BPTF: variants seen among roughly 807,000 people sequenced by gnomAD.
BPTF encodes bromodomain PHD finger transcription factor.
In BPTF, 18 loss-of-function variants were observed where a neutral mutation model predicts 292.5. That is an observed-to-expected ratio of 0.06 (90% CI 0.04 to 0.09). The LOEUF (loss-of-function observed/expected upper bound fraction) is 0.09. Among genes scored for constraint, BPTF ranks in the 10% least tolerant of loss-of-function variants. BPTF has a pLI of 1.00. For missense variants in BPTF, 2,726 were observed against 3,498.7 expected (o/e 0.78, Z 5.57); for synonymous variants, 1,225 against 1,251.9 (o/e 0.98, Z 0.45).
chr17:67,911,597 T>C lies in BPTF; in HGVS notation c.3713T>C (p.Ile1238Thr). Reference protein sequence around the residue: ...TLICKNKKPLIQEESDTIVSS... With the variant: ...TLICKNKKPLTQEESDTIVSS... Reference sequence around the variant, plus strand: ...ATCTGTAAGAACAAAAAACCGCTCATACAGGAGGAAAGTGACACCATTGTT... The same window carrying C: ...ATCTGTAAGAACAAAAAACCGCTCACACAGGAGGAAAGTGACACCATTGTT... Residue 1238 changes from isoleucine (I) to threonine (T), a missense_variant, in exon 11 of 28, where the codon ATA (isoleucine) becomes ACA (threonine). By Grantham distance (89) the Ile-to-Thr change is moderately conservative. Around this residue, in one of 22 missense-constraint regions of BPTF, gnomAD observed 713 missense variants for 714.9 expected, o/e 1.00. Transcript: ENST00000306378. The C allele has an allele frequency of 6.2e-7, 1 of 1,614,146 alleles. No individual in the cohort carries two copies. Among genetic ancestry groups the C allele is most frequent in the Non-Finnish European group, 8.5e-7 (1 of 1,180,024 alleles).
At chr17:67,973,863 T>C (rs1326838938) in intron 26 of BPTF, 1 of 151,912 alleles carries the variant, frequency 6.6e-6, no homozygotes, top group Admixed American at 6.6e-5. Flanking sequence ...CCTTAATATA[T>C]GTGAAATTCT....
chr17:67,826,276 C>T lies in BPTF; in HGVS notation c.552C>T (p.Asp184=). ...CGGAGGAGATGGAAGACGACGACGACGACGCCAGTTACTGCACGGAAAGCA... is the reference window on the plus strand; with the variant it reads ...CGGAGGAGATGGAAGACGACGACGATGACGCCAGTTACTGCACGGAAAGCA... ...DYPEEMEDDD[D]DASYCTESSF... Residue 184 remains aspartate, a synonymous_variant, in exon 1 of 28, where the codon GAC becomes GAT. Transcript: ENST00000306378. The T allele has an allele frequency of 6.2e-7, 1 of 1,613,388 alleles. No individual in the cohort carries two copies. The highest frequency in any genetic ancestry group is 2.2e-5 in the East Asian group (1 of 44,858).
At position 67,913,079 on chromosome 17, in the gene BPTF, C is replaced by T; in HGVS notation, c.5195C>T (p.Ala1732Val). ...CCTAATGATGACTTAAAAAAGTTGG[C>T]CCGAAAAGGAGGAATCCGAGAGGTC... ...VLPNDDLKKL[A>V]RKGGIREVPY... Residue 1732 changes from alanine to valine, a missense_variant, in exon 11 of 28, where the codon GCC becomes GTC. This residue lies in a region of BPTF where 24 missense variants were observed against 57.5 expected (regional missense o/e 0.42). Coordinates refer to ENST00000306378, the MANE Select transcript of BPTF (RefSeq NM_182641.4). 6.2e-7 allele frequency: 1 copy of T among 1,614,074 alleles called. No homozygotes were observed. Among genetic ancestry groups the T allele is most frequent in the Non-Finnish European group, 8.5e-7 (1 of 1,180,018 alleles).
At chr17:67,889,672 G>T (rs1377201631) in intron 4 of BPTF, among the ~76,000 whole-genome samples, 1 of 152,166 alleles carries the variant, frequency 6.6e-6, no homozygotes, top group Admixed American at 6.5e-5. Context: ...GCTGGGCATG[G>T]TGGCGGGCGC....
intron 4 of BPTF, 78 bp from the exon 5 acceptor site, chr17:67,891,766 A>C: frequency 9.0e-7 from 1 of 1,112,086 alleles, no homozygotes; most frequent in Non-Finnish European, 1.2e-6. Context: ...TACACCAGAT[A>C]CGAGTTTTGG....
intron 23 of BPTF, among the ~76,000 whole-genome samples, chr17:67,954,884 A>G (rs2066771451): frequency 6.6e-6 from 1 of 152,148 alleles, no homozygotes; most frequent in South Asian, 2.1e-4. Flanking sequence ...CTGTTGAATA[A>G]TTTGTCACCT....
intron 26 of BPTF, among the ~76,000 whole-genome samples, chr17:67,969,445 C>G (rs2068511045): frequency 2.3e-5 from 2 of 88,200 alleles, no homozygotes. Flanking sequence ...GAGAAAAACT[C>G]TGTCTCCAAA....
chr17:67,858,296 G>A (rs1313492170), intron 2 of BPTF, among the ~76,000 whole-genome samples: 1 of 152,182 alleles, frequency 6.6e-6, no homozygotes, highest in Non-Finnish European at 1.5e-5. Context: ...CCAAACATCT[G>A]GTCATGGTAT....
chr17:67,867,220 C>G (rs1342393610), intron 3 of BPTF, among the ~76,000 whole-genome samples: 1 of 152,156 alleles, frequency 6.6e-6, no homozygotes, highest in Non-Finnish European at 1.5e-5. Context: ...TGGGTCATTA[C>G]TGATATTCCC....
intron 26 of BPTF, among the ~76,000 whole-genome samples, chr17:67,967,790 G>T (rs1039211710): frequency 2.7e-5 from 4 of 146,092 alleles, no homozygotes; most frequent in African/African-American, 1.1e-4. Flanking sequence ...CTGCATTCCA[G>T]CCTGGACGAC....
chr17:67,829,194 T>C (rs1179374049), intron 1 of BPTF, among the ~76,000 whole-genome samples: 1 of 152,104 alleles, frequency 6.6e-6, no homozygotes, highest in Non-Finnish European at 1.5e-5. Context: ...TGAACGTTTT[T>C]CATTGCAAGA....
chr17:67,946,913 C>G (rs2065851536), intron 21 of BPTF, among the ~76,000 whole-genome samples: 1 of 152,202 alleles, frequency 6.6e-6, no homozygotes, highest in African/African-American at 2.4e-5. Context: ...CATCTGATAA[C>G]ATTACTGGCA....
chr17:67,915,777 T>C (rs1034417784), intron 11 of BPTF, among the ~76,000 whole-genome samples: 1 of 152,176 alleles, frequency 6.6e-6, no homozygotes, highest in Non-Finnish European at 1.5e-5. Context: ...CTTTCCTCTC[T>C]TACAGCTCCT....
intron 26 of BPTF, among the ~76,000 whole-genome samples, chr17:67,969,442 ACT>A (rs1555689537): frequency 1.6e-5 from 2 of 128,110 alleles, no homozygotes; most frequent in Admixed American, 8.2e-5. Context: ...ACAGAGAAAA[ACT>A]CTGTCTCCAA....
chr17:67,920,611 A>G (rs750588856), intron 13 of BPTF, among the ~76,000 whole-genome samples: 15 of 152,232 alleles, frequency 9.9e-5, no homozygotes, highest in Non-Finnish European at 1.8e-4. Flanking sequence ...CACCAGTACA[A>G]TAGGCACTGG....
In BPTF at chr17:67,948,260, T is replaced by G; in HGVS notation, c.7880T>G (p.Leu2627Arg). 6.2e-7 allele frequency: 1 copy of G among 1,613,996 alleles called. No individual in the cohort carries two copies. Among genetic ancestry groups the G allele is most frequent in the Non-Finnish European group, 8.5e-7 (1 of 1,180,020 alleles). ...KHKEQLRAEI[L>R]KKRALLDKDL... ...AAAGAGCAGCTCAGAGCCGAGATCC[T>G]GAAGAAGAGAGCACTCCTGGACAAG... The change falls in exon 23 of 28, where the codon CTG becomes CGG. Residue 2627 changes from leucine (L) to arginine (R), a missense_variant. Transcript: ENST00000306378.
chr17:67,984,000 G>A lies in BPTF; in HGVS notation c.*1712G>A, dbSNP rs1164141418. On this transcript the variant is annotated 3_prime_UTR_variant, in exon 28 of 28. Transcript: ENST00000306378. ...TATGCTTACAAACTAAAGACTAATCGCTCAATATGAAAACATGAAAAAATT... is the reference window on the plus strand; with the variant it reads ...TATGCTTACAAACTAAAGACTAATCACTCAATATGAAAACATGAAAAAATT... The A allele has an allele frequency of 6.6e-6, 1 of 152,334 alleles. No individual in the cohort carries two copies. Among genetic ancestry groups the A allele is most frequent in the African/African-American group, 2.4e-5 (1 of 41,346 alleles). The allele number at this position is 152,334 out of a possible 1,614,324, so 9.4% of individuals were successfully genotyped here.
chr17:67,933,790 G>C (rs2147619125), intron 18 of BPTF, among the ~76,000 whole-genome samples: 1 of 152,180 alleles, frequency 6.6e-6, no homozygotes, highest in South Asian at 2.1e-4. Context: ...CAGGCGCAGT[G>C]GCTCATGCCT....
At chr17:67,876,378 C>T (rs1221129884) in intron 4 of BPTF, among the ~76,000 whole-genome samples, 1 of 152,200 alleles carries the variant, frequency 6.6e-6, no homozygotes, top group Non-Finnish European at 1.5e-5. Context: ...TACTGGTCAG[C>T]AGTGAGCTGT....
Sources: gnomAD v4.1 joint callset for allele counts (sites outside exome capture counted in the v4.1 genomes callset) on GRCh38, gnomAD v4.1.1 for gene constraint, gnomAD v4.1.1 regional missense constraint, MANE v1.5 for transcripts, NCBI Gene and HGNC (gene_info 2026-07-23, HGNC 2026-07-21) for gene names.